TASP1: variants seen among roughly 807,000 people sequenced by gnomAD.
TASP1 encodes taspase 1.
In TASP1, 16 loss-of-function variants were observed where a neutral mutation model predicts 56.6. That is an observed-to-expected ratio of 0.28 (90% CI 0.19 to 0.43). The LOEUF (loss-of-function observed/expected upper bound fraction) is 0.43, where lower values mean the gene tolerates loss of function less well. TASP1 is among the 20% of genes least tolerant of loss of function. TASP1 has a pLI of 1.00. For synonymous variants in TASP1, 179 were observed against 184.2 expected (o/e 0.97, Z 0.23); for missense variants, 393 against 511.6 (o/e 0.77, Z 2.24).
At chr20:13,282,907 A>G in the TASP1 span, among the ~76,000 whole-genome samples, 1 of 152,232 alleles carries the variant, frequency 6.6e-6, no homozygotes, top group African/African-American at 2.4e-5. Context: ...GTAGGTGCTC[A>G]GTAGCATTTG....
At chr20:13,291,199 T>C in the TASP1 span, among the ~76,000 whole-genome samples, 1 of 152,250 alleles carries the variant, frequency 6.6e-6, no homozygotes, top group African/African-American at 2.4e-5. Flanking sequence ...AGGAGCCCTC[T>C]TCATACCTTT....
chr20:13,324,149 C>T, the TASP1 span, among the ~76,000 whole-genome samples: 1 of 152,214 alleles, frequency 6.6e-6, no homozygotes, highest in African/African-American at 2.4e-5. Context: ...GTGAAATCAA[C>T]TTTCATAACC....
chr20:13,516,850 A>T (rs1165229314), intron 10 of TASP1, among the ~76,000 whole-genome samples: 1 of 152,096 alleles, frequency 6.6e-6, no homozygotes, highest in Non-Finnish European at 1.5e-5. Context: ...TCTCTTTCAG[A>T]GAAAGACTTA....
chr20:13,216,399 C>T, the TASP1 span, among the ~76,000 whole-genome samples: 1 of 152,184 alleles, frequency 6.6e-6, no homozygotes. Flanking sequence ...TCCCTTAGGA[C>T]AGCGGTTGAC....
the TASP1 span, among the ~76,000 whole-genome samples, chr20:13,303,223 C>G: frequency 6.6e-6 from 1 of 152,208 alleles, no homozygotes; most frequent in Non-Finnish European, 1.5e-5. Flanking sequence ...CCTGTGCTCT[C>G]CTCTCCTCCT....
At chr20:13,494,536 G>A (rs1600993524) in intron 10 of TASP1, among the ~76,000 whole-genome samples, 2 of 152,086 alleles carry the variant, frequency 1.3e-5, no homozygotes, top group South Asian at 2.1e-4. Context: ...ATCAACTACT[G>A]TATATCTGGG....
intron 11 of TASP1, among the ~76,000 whole-genome samples, chr20:13,456,704 A>G (rs1224656872): frequency 2.6e-5 from 4 of 152,116 alleles, no homozygotes; most frequent in Non-Finnish European, 5.9e-5. Flanking sequence ...GTGGCATTGA[A>G]AGACCAAATT....
At chr20:13,613,391 C>T (rs987334602) in intron 4 of TASP1, among the ~76,000 whole-genome samples, 4 of 152,050 alleles carry the variant, frequency 2.6e-5, no homozygotes, top group African/African-American at 7.2e-5. Flanking sequence ...TGAATATGAA[C>T]GTGTTGTGCC....
the TASP1 span, among the ~76,000 whole-genome samples, chr20:13,206,213 C>T: frequency 0.38 from 57,518 of 151,862 alleles, 11,544 homozygotes; most frequent in African/African-American, 0.53. Flanking sequence ...CTGGAGGTAT[C>T]GCCAGCTCCT....
chr20:13,223,847 C>G, the TASP1 span, among the ~76,000 whole-genome samples: 1 of 152,086 alleles, frequency 6.6e-6, no homozygotes, highest in Non-Finnish European at 1.5e-5. Flanking sequence ...TCCTCATGGA[C>G]TCATGAAAAG....
chr20:13,119,312 C>G, the TASP1 span, among the ~76,000 whole-genome samples: 1 of 152,152 alleles, frequency 6.6e-6, no homozygotes, highest in Non-Finnish European at 1.5e-5. Flanking sequence ...ATTTTTCCCC[C>G]TAGAGTAGCT....
chr20:13,444,080 A>G (rs1175571615), intron 11 of TASP1, among the ~76,000 whole-genome samples: 3 of 152,174 alleles, frequency 2.0e-5, no homozygotes, highest in African/African-American at 4.8e-5. Flanking sequence ...GAAAAATTAG[A>G]CACTGGACTA....
the TASP1 span, among the ~76,000 whole-genome samples, chr20:13,214,586 G>GAGAGAGAC: frequency 1.2e-4 from 18 of 150,582 alleles, no homozygotes; most frequent in Non-Finnish European, 1.9e-4. Flanking sequence ...GAGAGAGAGA[G>GAGAGAGAC]AGACAGAAAG....
chr20:13,333,330 G>C, the TASP1 span, among the ~76,000 whole-genome samples: 3 of 152,322 alleles, frequency 2.0e-5, no homozygotes, highest in East Asian at 3.9e-4. Flanking sequence ...GGGGAGGAGA[G>C]AGAAATTTAA....
chr20:13,387,753 T>C (rs1401056072), downstream of TASP1, among the ~76,000 whole-genome samples: 2 of 152,242 alleles, frequency 1.3e-5, no homozygotes, highest in African/African-American at 4.8e-5. Flanking sequence ...CTTTCCACAG[T>C]GGCTGACGTA....
the TASP1 span, among the ~76,000 whole-genome samples, chr20:13,282,898 T>C: frequency 1.3e-5 from 2 of 152,228 alleles, no homozygotes; most frequent in Admixed American, 6.5e-5. Flanking sequence ...ACGCCCATTG[T>C]AGGTGCTCAG....
At chr20:13,271,467 G>A in the TASP1 span, among the ~76,000 whole-genome samples, 17 of 152,082 alleles carry the variant, frequency 1.1e-4, no homozygotes, top group African/African-American at 3.9e-4. Flanking sequence ...AATGTTGATC[G>A]GATTTGACCC....
chr20:13,290,009 T>G, the TASP1 span, among the ~76,000 whole-genome samples: 3,192 of 152,280 alleles, frequency 0.021, 118 homozygotes, highest in African/African-American at 0.073. Flanking sequence ...CAAAGGCGTT[T>G]CTGAGGAGAG....
chr20:13,405,860 T>C (rs979526586), intron 13 of TASP1, among the ~76,000 whole-genome samples: 32 of 152,180 alleles, frequency 2.1e-4, no homozygotes, highest in African/African-American at 6.3e-4. Flanking sequence ...CCAGCCAGTT[T>C]CCTCCTGAGA....
Sources: gnomAD v4.1 joint callset for allele counts (sites outside exome capture counted in the v4.1 genomes callset) on GRCh38, gnomAD v4.1.1 for gene constraint, MANE v1.5 for transcripts, NCBI Gene and HGNC (gene_info 2026-07-23, HGNC 2026-07-21) for gene names.